Variants in SLC8A1 observed in about 807,000 individuals in gnomAD.
SLC8A1 encodes the protein solute carrier family 8 member A1, also known as sodium/calcium exchanger 1.
A neutral mutation model predicts 68.3 loss-of-function variants in SLC8A1; 18 were observed. The observed-to-expected ratio is 0.26, with a 90% CI of 0.18 to 0.39. SLC8A1 has a LOEUF of 0.39. Among genes scored for constraint, SLC8A1 ranks in the 10% least tolerant of loss-of-function variants. The pLI, the probability that SLC8A1 is intolerant of heterozygous loss-of-function variation, is 1.00. For synonymous variants in SLC8A1, 475 were observed against 415.5 expected, an observed-to-expected ratio of 1.14 and a Z score of -1.74; for missense variants, 985 against 1,156.7, an observed-to-expected ratio of 0.85 and a Z score of 2.15.
chr2:40,326,737 T>C (rs2075867986), intron 2 of SLC8A1, among the ~76,000 whole-genome samples: 2 of 152,222 alleles, frequency 1.3e-5, no homozygotes, highest in Admixed American at 1.3e-4. Context: ...AGCCTAGTAA[T>C]GACTTGCATA....
intron 4 of SLC8A1, among the ~76,000 whole-genome samples, chr2:40,165,320 G>A (rs967336959): frequency 1.9e-4 from 29 of 152,154 alleles, no homozygotes; most frequent in African/African-American, 7.0e-4. Flanking sequence ...TGTGACGCTG[G>A]CTCAGTTGGC....
intron 2 of SLC8A1, among the ~76,000 whole-genome samples, chr2:40,262,838 T>C (rs1473463841): frequency 6.6e-6 from 1 of 152,118 alleles, no homozygotes; most frequent in Non-Finnish European, 1.5e-5. Flanking sequence ...AAAATTTGGA[T>C]CATATTTAGC....
intron 2 of SLC8A1, among the ~76,000 whole-genome samples, chr2:40,284,107 T>C (rs897399280): frequency 6.6e-6 from 1 of 152,106 alleles, no homozygotes; most frequent in African/African-American, 2.4e-5. Context: ...GTATAAAGTC[T>C]TGCACACGAA....
chr2:40,382,373 A>G (rs959834334), intron 2 of SLC8A1, among the ~76,000 whole-genome samples: 18 of 144,158 alleles, frequency 1.2e-4, no homozygotes, highest in Admixed American at 3.4e-4. Flanking sequence ...AGATGGTAGA[A>G]CTGCACATTT....
intron 6 of SLC8A1, among the ~76,000 whole-genome samples, chr2:40,147,867 A>G (rs917540310): frequency 1.3e-5 from 2 of 152,198 alleles, no homozygotes; most frequent in Non-Finnish European, 2.9e-5. Flanking sequence ...GCATGTAGGT[A>G]AAAGTGTACA....
intron 2 of SLC8A1, among the ~76,000 whole-genome samples, chr2:40,264,595 C>G (rs187328457): frequency 4.7e-4 from 71 of 152,174 alleles, no homozygotes; most frequent in Middle Eastern, 3.4e-3. Flanking sequence ...CAAACTATCA[C>G]AAGGACAAAA....
intron 7 of SLC8A1, among the ~76,000 whole-genome samples, chr2:40,122,267 G>A (rs2037079763): frequency 6.6e-6 from 1 of 151,806 alleles, no homozygotes. Context: ...ACTGGTTCAT[G>A]TGAAAAGAAT....
chr2:40,448,569 C>T (rs183738942), intron 1 of SLC8A1, among the ~76,000 whole-genome samples: 132 of 152,230 alleles, frequency 8.7e-4, no homozygotes, highest in African/African-American at 2.9e-3. Flanking sequence ...TGTTAGCCAC[C>T]TTTACTACCA....
At chr2:40,313,730 T>G (rs1354374173) in intron 2 of SLC8A1, among the ~76,000 whole-genome samples, 1 of 152,112 alleles carries the variant, frequency 6.6e-6, no homozygotes, top group Admixed American at 6.6e-5. Flanking sequence ...GTAGCTACTC[T>G]ATTCAGTGTG....
intron 2 of SLC8A1, among the ~76,000 whole-genome samples, chr2:40,256,655 C>A (rs1341079099): frequency 6.6e-6 from 1 of 152,110 alleles, no homozygotes; most frequent in Non-Finnish European, 1.5e-5. Context: ...AATCACCCAA[C>A]CTTTCCTAAT....
chr2:40,299,504 C>G (rs1262486510), intron 2 of SLC8A1, among the ~76,000 whole-genome samples: 1 of 149,866 alleles, frequency 6.7e-6, no homozygotes, highest in Non-Finnish European at 1.5e-5. Context: ...TGTTCTGAAA[C>G]TGGATGTGAC....
upstream of SLC8A1, among the ~76,000 whole-genome samples, chr2:40,456,826 A>G (rs1378453269): frequency 6.6e-6 from 1 of 152,204 alleles, no homozygotes; most frequent in African/African-American, 2.4e-5. Context: ...AATTATTGAT[A>G]TTGATTATGC....
chr2:40,234,548 G>C (rs1450695413), intron 2 of SLC8A1, among the ~76,000 whole-genome samples: 14 of 152,150 alleles, frequency 9.2e-5, no homozygotes, highest in Admixed American at 5.9e-4. Context: ...TCTGCAAAAA[G>C]GGACAATTTG....
chr2:40,184,268 T>A (rs1267100802), intron 2 of SLC8A1, among the ~76,000 whole-genome samples: 1 of 152,100 alleles, frequency 6.6e-6, no homozygotes, highest in Non-Finnish European at 1.5e-5. Context: ...AAAGGATACA[T>A]TAAATAATAA....
chr2:40,204,096 T>C (rs746815982), intron 2 of SLC8A1, among the ~76,000 whole-genome samples: 1 of 152,030 alleles, frequency 6.6e-6, no homozygotes, highest in Non-Finnish European at 1.5e-5. Context: ...GTTCTTTAGA[T>C]GACATTTGAA....
intron 2 of SLC8A1, among the ~76,000 whole-genome samples, chr2:40,323,872 G>C (rs1228575047): frequency 6.6e-6 from 1 of 152,146 alleles, no homozygotes; most frequent in Admixed American, 6.6e-5. Flanking sequence ...TAGGAAACTA[G>C]TATGAGAAAG....
intron 1 of SLC8A1, among the ~76,000 whole-genome samples, chr2:40,471,189 A>G (rs1374790471): frequency 1.3e-5 from 2 of 152,200 alleles, no homozygotes; most frequent in East Asian, 1.9e-4. Flanking sequence ...ACCCTCTGAC[A>G]TAAGTATTGA....
chr2:40,219,156 A>G (rs2057942676), intron 2 of SLC8A1, among the ~76,000 whole-genome samples: 1 of 152,204 alleles, frequency 6.6e-6, no homozygotes, highest in Non-Finnish European at 1.5e-5. Context: ...TTCAATTGGG[A>G]TGCTGGAGCG....
chr2:40,382,099 G>A (rs1205210854), intron 2 of SLC8A1, among the ~76,000 whole-genome samples: 1 of 152,016 alleles, frequency 6.6e-6, no homozygotes, highest in Non-Finnish European at 1.5e-5. Flanking sequence ...TGGCATTTCA[G>A]TAACACACAT....
Sources: gnomAD v4.1 joint callset for allele counts (sites outside exome capture counted in the v4.1 genomes callset) on GRCh38, gnomAD v4.1.1 for gene constraint, MANE v1.5 for transcripts, NCBI Gene and HGNC (gene_info 2026-07-23, HGNC 2026-07-21) for gene names.